The following FBXW7 variants were observed in gnomAD, a reference collection of about 807,000 sequenced individuals.
FBXW7 encodes F-box and WD repeat domain containing 7.
FBXW7 carries 11 observed loss-of-function variants against 86.3 expected under a neutral mutation model. The observed-to-expected ratio is 0.13, with a 90% CI of 0.08 to 0.21. The LOEUF (loss-of-function observed/expected upper bound fraction) is 0.21. Ranked by LOEUF, FBXW7 falls within the 10% of genes least tolerant of loss-of-function variation. The pLI, the probability that FBXW7 is intolerant of heterozygous loss-of-function variation, is 1.00. For synonymous variants in FBXW7, 313 were observed against 297.9 expected, an observed-to-expected ratio of 1.05 and a Z score of -0.52; for missense variants, 488 against 847.4, an observed-to-expected ratio of 0.58 and a Z score of 5.27.
At chr4:152,508,818 T>C (rs1747692854) in intron 2 of FBXW7, among the ~76,000 whole-genome samples, 1 of 151,572 alleles carries the variant, frequency 6.6e-6, no homozygotes, top group Non-Finnish European at 1.5e-5. Context: ...ACACTACTTA[T>C]GAATCACAAA....
chr4:152,428,895 A>G (rs1490972608), intron 2 of FBXW7, among the ~76,000 whole-genome samples: 2 of 152,200 alleles, frequency 1.3e-5, no homozygotes, highest in Non-Finnish European at 2.9e-5. Flanking sequence ...ACAGATTCAC[A>G]CATAGCTTTC....
chr4:152,498,677 T>A (rs1211586653), intron 2 of FBXW7, among the ~76,000 whole-genome samples: 3 of 152,086 alleles, frequency 2.0e-5, no homozygotes, highest in African/African-American at 7.2e-5. Context: ...GCACTTAATG[T>A]CTAAACAAGT....
At chr4:152,341,120 G>A (rs549848993) in intron 6 of FBXW7, among the ~76,000 whole-genome samples, 27 of 152,154 alleles carry the variant, frequency 1.8e-4, no homozygotes, top group African/African-American at 4.1e-4. Flanking sequence ...TCGGCTCTTC[G>A]TTCTATTCTC....
At chr4:152,461,376 C>T (rs1358778152) in intron 2 of FBXW7, among the ~76,000 whole-genome samples, 1 of 152,160 alleles carries the variant, frequency 6.6e-6, no homozygotes, top group Non-Finnish European at 1.5e-5. Context: ...TATCTATTCA[C>T]TGAACAAGAC....
At chr4:152,336,759 CT>C (rs1730163335) in intron 7 of FBXW7, among the ~76,000 whole-genome samples, 1 of 152,002 alleles carries the variant, frequency 6.6e-6, no homozygotes, top group South Asian at 2.1e-4. Flanking sequence ...CTCCACTTTG[CT>C]TTTCTCTGGA....
At chr4:152,352,772 G>C (rs2126665353) in intron 4 of FBXW7, 1 of 1,604,626 alleles carries the variant, frequency 6.2e-7, no homozygotes, top group Non-Finnish European at 8.5e-7. Context: ...AGGGAATAAT[G>C]AGAGAGAACG....
At chr4:152,353,188 T>C (rs1361560350) in intron 4 of FBXW7, among the ~76,000 whole-genome samples, 1 of 152,204 alleles carries the variant, frequency 6.6e-6, no homozygotes, top group Non-Finnish European at 1.5e-5. Context: ...CAAAGCATGC[T>C]ATTTTCACTG....
At chr4:152,492,151 A>G (rs1389206732) in intron 2 of FBXW7, among the ~76,000 whole-genome samples, 5 of 152,194 alleles carry the variant, frequency 3.3e-5, no homozygotes, top group Admixed American at 1.3e-4. Context: ...ATAATACAGT[A>G]TCATGTCCAG....
chr4:152,352,397 TGA>T, intron 4 of FBXW7: 1 of 1,586,024 alleles, frequency 6.3e-7, no homozygotes, highest in Non-Finnish European at 8.6e-7. Context: ...CCATCTCTGA[TGA>T]TACAGATTTT....
At chr4:152,403,490 A>G (rs1281412922) in intron 4 of FBXW7, among the ~76,000 whole-genome samples, 1 of 152,032 alleles carries the variant, frequency 6.6e-6, no homozygotes, top group Non-Finnish European at 1.5e-5. Flanking sequence ...AAAAAAAAAA[A>G]AAAGAATTGT....
At chr4:152,483,792 GTTT>G (rs145492799) in intron 2 of FBXW7, among the ~76,000 whole-genome samples, 2,744 of 151,946 alleles carry the variant, frequency 0.018, 32 homozygotes, top group Middle Eastern at 0.041. Context: ...TTCCTTCTCA[GTTT>G]TTATTTATTT....
At chr4:152,380,696 A>G (rs1324204392) in intron 4 of FBXW7, among the ~76,000 whole-genome samples, 1 of 152,006 alleles carries the variant, frequency 6.6e-6, no homozygotes, top group African/African-American at 2.4e-5. Context: ...GGAAATATAT[A>G]CTGTAACATA....
intron 9 of FBXW7, among the ~76,000 whole-genome samples, 187 bp downstream of exon 9, chr4:152,330,545 T>C (rs1432543533): frequency 6.6e-6 from 1 of 151,966 alleles, no homozygotes; most frequent in African/African-American, 2.4e-5. Flanking sequence ...CAAGCACAAT[T>C]AGTTGTCAGA....
chr4:152,465,773 G>A (rs1743362322), intron 2 of FBXW7, among the ~76,000 whole-genome samples: 1 of 151,164 alleles, frequency 6.6e-6, no homozygotes, highest in Non-Finnish European at 1.5e-5. Flanking sequence ...GAACCCAGGA[G>A]GCAGAGGTTG....
At chr4:152,470,180 A>C (rs566628892) in intron 2 of FBXW7, among the ~76,000 whole-genome samples, 6 of 152,022 alleles carry the variant, frequency 3.9e-5, no homozygotes, top group Admixed American at 3.9e-4. Flanking sequence ...ATAGCCTTAT[A>C]ATTTAAATTT....
chr4:152,324,499 T>C (rs1728829313), intron 12 of FBXW7, 105 bp from the exon 13 acceptor site: 12 of 886,006 alleles, frequency 1.4e-5, no homozygotes, highest in Admixed American at 2.4e-5. Context: ...AAACAGGTAA[T>C]GCCAGGAACA....
At chr4:152,428,299 AAGG>A (rs1209267231) in intron 2 of FBXW7, among the ~76,000 whole-genome samples, 1 of 152,230 alleles carries the variant, frequency 6.6e-6, no homozygotes, top group Admixed American at 6.5e-5. Context: ...CAGAAATTTC[AAGG>A]AGAAGATTTC....
At chr4:152,521,925 T>C (rs1283554315) in intron 2 of FBXW7, among the ~76,000 whole-genome samples, 1 of 150,432 alleles carries the variant, frequency 6.6e-6, no homozygotes, top group Non-Finnish European at 1.5e-5. Flanking sequence ...TTCAAGCGAT[T>C]CTCCCTACCT....
chr4:152,414,918 G>C (rs1182001144), intron 2 of FBXW7, among the ~76,000 whole-genome samples: 1 of 152,094 alleles, frequency 6.6e-6, no homozygotes, highest in Non-Finnish European at 1.5e-5. Context: ...AGAAAATACA[G>C]GGTAACTTTT....
Sources: gnomAD v4.1 joint callset for allele counts (sites outside exome capture counted in the v4.1 genomes callset) on GRCh38, gnomAD v4.1.1 for gene constraint, MANE v1.5 for transcripts, NCBI Gene and HGNC (gene_info 2026-07-23, HGNC 2026-07-21) for gene names.